DNAL1: variants seen among roughly 807,000 people sequenced by gnomAD.
DNAL1 encodes dynein axonemal light chain 1.
Under a neutral mutation model 29.4 loss-of-function variants are expected in DNAL1, and 17 were observed. The observed-to-expected ratio is 0.58, with a 90% confidence interval of 0.40 to 0.87. The LOEUF is 0.87. Among genes scored for constraint, DNAL1 ranks in the 40% least tolerant of loss-of-function variants. The pLI is 0.00. For missense variants in DNAL1, 188 were observed against 214.1 expected, an observed-to-expected ratio of 0.88 and a Z score of 0.76; for synonymous variants, 78 against 76.3, an observed-to-expected ratio of 1.02 and a Z score of -0.12.
chr14:73,647,869 C>G (rs547654142), intron 1 of DNAL1, among the ~76,000 whole-genome samples: 1 of 152,194 alleles, frequency 6.6e-6, no homozygotes, highest in East Asian at 1.9e-4. Flanking sequence ...GGGATTGTAC[C>G]GTCATAGGGT....
At chr14:73,683,001 C>T (rs553258291) in intron 5 of DNAL1, among the ~76,000 whole-genome samples, 17 of 151,666 alleles carry the variant, frequency 1.1e-4, no homozygotes, top group Admixed American at 4.6e-4. Flanking sequence ...CTCAGCCTTC[C>T]GAGTAGCTGG....
chr14:73,658,794 T>G, intron 2 of DNAL1, 53 bp from the exon 3 acceptor site: 2 of 1,411,026 alleles, frequency 1.4e-6, no homozygotes, highest in Non-Finnish European at 2.0e-6. Context: ...TGGCCTCTTT[T>G]GTTTCCACAT....
rs1399227058 is a variant in DNAL1, at chr14:73,658,862, C to A, written c.58C>A (p.Gln20Lys). The A allele has an allele frequency of 6.2e-7, 1 of 1,603,454 alleles. No individual in the cohort carries two copies. The highest frequency in any genetic ancestry group is 8.5e-7 in the Non-Finnish European group (1 of 1,174,578). ...TTTCTCATAGGAAGAGAAAACTGGC[C>A]AGAGGCCATCTGAAGCCAAAGAGAT... ...ALARWEEKTG[Q>K]RPSEAKEIKL... is the part of the protein sequence containing the mutation. The change falls in exon 3 of 8, where the codon CAG (glutamine) becomes AAG (lysine). Residue 20 changes from glutamine (Q) to lysine (K), a missense_variant. Gln to Lys is a moderately conservative substitution (Grantham distance 53, BLOSUM62 1). Transcript: ENST00000553645.
chr14:73,678,191 G>T (rs1008800149), intron 5 of DNAL1, among the ~76,000 whole-genome samples: 1 of 151,950 alleles, frequency 6.6e-6, no homozygotes, highest in African/African-American at 2.4e-5. Context: ...GAGCCACTGG[G>T]CCCAGCTGAA....
chr14:73,652,150 C>T (rs1891126472), intron 1 of DNAL1, among the ~76,000 whole-genome samples: 1 of 152,100 alleles, frequency 6.6e-6, no homozygotes, highest in African/African-American at 2.4e-5. Context: ...GTCCTCCCGC[C>T]TCAGCCCCTG....
chr14:73,686,693 G>A (rs1892026447), intron 5 of DNAL1, among the ~76,000 whole-genome samples: 1 of 152,164 alleles, frequency 6.6e-6, no homozygotes. Flanking sequence ...GGGTGACAGA[G>A]TGAGACCCTG....
chr14:73,675,523 G>A (rs1891711723), intron 5 of DNAL1, among the ~76,000 whole-genome samples: 1 of 151,208 alleles, frequency 6.6e-6, no homozygotes, highest in Non-Finnish European at 1.5e-5. Context: ...GTACAGGCTG[G>A]TCTTGAACTC....
In DNAL1 at chr14:73,697,234, G is replaced by A. The variant is rs1892319266; in HGVS notation, c.*1292G>A. On this transcript the variant is annotated 3_prime_UTR_variant, in exon 8 of 8. Coordinates refer to ENST00000553645, the MANE Select transcript of DNAL1 (RefSeq NM_031427.4). ...GGCCCTCTGCCAAATTGTGCCTAAA[G>A]TCCCTCAGAGACTGTTGATTCTGGT... The A allele has an allele frequency of 6.6e-6, 1 of 152,282 alleles. No homozygotes were observed. The highest frequency in any genetic ancestry group is 2.4e-5 in the African/African-American group (1 of 41,552). 9.4% of individuals were successfully genotyped at this position (152,282 alleles called of 1,614,324 possible).
rs759349171 is a variant in DNAL1, at chr14:73,696,481, G to T, written c.*539G>T. The stretch of plus-strand genomic sequence containing the variant: ...AAAGTTCCATTGGAAAAGATATGGT[G>T]AAAAAAGGAAAAAGTAGTATCTCAG... On this transcript the variant is annotated 3_prime_UTR_variant, in exon 8 of 8. Coordinates refer to ENST00000553645, the MANE Select transcript of DNAL1 (RefSeq NM_031427.4). The T allele has an allele frequency of 6.6e-6, 1 of 152,242 alleles. No individual in the cohort carries two copies. The highest frequency in any genetic ancestry group is 1.5e-5 in the Non-Finnish European group (1 of 67,964). The allele number at this position is 152,242 out of a possible 1,614,324, so 9.4% of individuals were successfully genotyped here.
intron 7 of DNAL1, among the ~76,000 whole-genome samples, chr14:73,691,298 C>G (rs1305603025): frequency 6.6e-6 from 1 of 152,076 alleles, no homozygotes; most frequent in Non-Finnish European, 1.5e-5. Context: ...ACCTGTAATC[C>G]TAGCACTTTG....
At chr14:73,654,975 C>A in intron 2 of DNAL1, 90 bp downstream of exon 2, 4 of 1,298,726 alleles carry the variant, frequency 3.1e-6, no homozygotes, top group Admixed American at 2.5e-5. Context: ...TACAAAGGAT[C>A]CTTTTGGTAT....
At chr14:73,677,714 G>A (rs1361935166) in intron 5 of DNAL1, among the ~76,000 whole-genome samples, 1 of 148,880 alleles carries the variant, frequency 6.7e-6, no homozygotes, top group Admixed American at 6.7e-5. Flanking sequence ...CCGCCACCAC[G>A]CCCGGCTAAT....
chr14:73,687,104 GA>G (rs1359359360), intron 5 of DNAL1, among the ~76,000 whole-genome samples, 154 bp from the exon 6 acceptor site: 33 of 141,962 alleles, frequency 2.3e-4, no homozygotes, highest in Admixed American at 1.5e-3. Context: ...CCCTCAATGA[GA>G]AAAAAAAAAC....
intron 5 of DNAL1, among the ~76,000 whole-genome samples, chr14:73,682,866 G>GTT (rs1566889194): frequency 8.8e-6 from 1 of 113,820 alleles, no homozygotes; most frequent in African/African-American, 3.7e-5. Flanking sequence ...CTGTTTTATA[G>GTT]TTATTTTTTT....
chr14:73,669,985 ACACACACACACACACATT>A (rs1396436978), intron 4 of DNAL1, among the ~76,000 whole-genome samples: 1 of 87,992 alleles, frequency 1.1e-5, no homozygotes, highest in African/African-American at 3.2e-5. Flanking sequence ...ACACACACAT[ACACACACACACACACATT>A]CACACACACA....
chr14:73,677,566 ATTTT>A (rs892152923), intron 5 of DNAL1, among the ~76,000 whole-genome samples: 1 of 146,082 alleles, frequency 6.8e-6, no homozygotes, highest in Non-Finnish European at 1.5e-5. Context: ...TTATTTATTT[ATTTT>A]TTTTGAGACG....
intron 5 of DNAL1, among the ~76,000 whole-genome samples, chr14:73,674,030 AT>A: frequency 6.6e-6 from 1 of 151,906 alleles, no homozygotes; most frequent in Middle Eastern, 3.4e-3. Context: ...ATTAAAAATG[AT>A]TACTGTAATG....
At chr14:73,654,967 C>T in intron 2 of DNAL1, 82 bp downstream of exon 2, 2 of 1,351,342 alleles carry the variant, frequency 1.5e-6, no homozygotes, top group Middle Eastern at 3.9e-4. Context: ...CTATTTAATA[C>T]AAAGGATCCT....
intron 2 of DNAL1, among the ~76,000 whole-genome samples, chr14:73,656,702 A>G (rs993187636): frequency 2.0e-5 from 3 of 151,982 alleles, no homozygotes; most frequent in Non-Finnish European, 2.9e-5. Flanking sequence ...CTGGGATTAC[A>G]GGCATGAGCC....
Sources: allele counts gnomAD v4.1 joint callset (sites outside exome capture counted in the v4.1 genomes callset), GRCh38; gene constraint gnomAD v4.1.1; transcripts MANE v1.5; gene names NCBI Gene and HGNC (gene_info 2026-07-23, HGNC 2026-07-21).